CCDC9B: variants seen among roughly 807,000 people sequenced by gnomAD.
CCDC9B encodes coiled-coil domain containing 9B.
Under a neutral mutation model 47.2 loss-of-function variants are expected in CCDC9B, and 40 were observed. The observed-to-expected ratio is 0.85, with a 90% CI of 0.66 to 1.10. The LOEUF is 1.10. Ranked by LOEUF, CCDC9B falls within the 50% of genes least tolerant of loss-of-function variation. The probability of loss-of-function intolerance (pLI) is 0.00; values close to 1 mark genes in which losing one functional copy is unlikely to be tolerated. For synonymous variants in CCDC9B, 238 were observed against 250.7 expected (o/e 0.95, Z 0.48); for missense variants, 662 against 651.0 (o/e 1.02, Z -0.18).
chr15:40,337,284 T>C, intron 7 of CCDC9B, 104 bp downstream of exon 7: 1 of 1,122,082 alleles, frequency 8.9e-7, no homozygotes, highest in Non-Finnish European at 1.4e-6. Flanking sequence ...ACGCTTCCTT[T>C]CAGCTCTGAA....
Position 40,334,875 on chromosome 15 carries a change from C to G in CCDC9B, c.*283G>C, listed in dbSNP as rs1020386153. The G allele has an allele frequency of 3.2e-6, 1 of 308,820 alleles. No individual in the cohort carries two copies. Among genetic ancestry groups the G allele is most frequent in the Non-Finnish European group, 6.0e-6 (1 of 167,888 alleles). 19.1% of individuals were successfully genotyped at this position (308,820 alleles called of 1,614,324 possible). On this transcript the variant is annotated 3_prime_UTR_variant, in exon 11 of 11. Transcript: ENST00000397536. ...GGCTTGTGGCCTGGGCAGCAGTAGG[C>G]CCAGGTCAGGGTGCACCAGCCTCAG... is the stretch of plus-strand genomic sequence containing the variant.
rs2141245472 is a variant in CCDC9B, at chr15:40,334,930, G to A, written c.*228C>T. On this transcript the variant is annotated 3_prime_UTR_variant, in exon 11 of 11. Coordinates refer to ENST00000397536, the MANE Select transcript of CCDC9B (RefSeq NM_207380.3). ...CAGATACTAGTACAGGAATACACCAGGGGCTGTGCCCGTGCGTGAAAACAC... is the reference window on the plus strand; with the variant it reads ...CAGATACTAGTACAGGAATACACCAAGGGCTGTGCCCGTGCGTGAAAACAC... The A allele has an allele frequency of 2.4e-6, 1 of 411,074 alleles. No individual in the cohort carries two copies. The highest frequency in any genetic ancestry group is 4.3e-6 in the Non-Finnish European group (1 of 231,124). The allele number at this position is 411,074 out of a possible 1,614,324, so 25.5% of individuals were successfully genotyped here.
In CCDC9B at chr15:40,336,661, C is replaced by T. The variant is rs1200397860; in HGVS notation, c.800G>A (p.Arg267Gln). Residue 267 changes from arginine (R) to glutamine (Q), a missense_variant, in exon 9 of 11, where the codon CGG (arginine) becomes CAG (glutamine). By Grantham distance (43) the Arg-to-Gln change is conservative. Transcript: ENST00000397536. ...PPPLLPDGKG[R>Q]GGQASRPSVA... ...CGAGGGTCTGCTGGCTTGCCCGCCC[C>T]GACCTGCAAGAGATGGTCGGCCAAG... 10 of 1,611,850 alleles carry T rather than the reference C, an allele frequency of 6.2e-6. No homozygotes were observed. Among genetic ancestry groups the T allele is most frequent in the Middle Eastern group, 1.7e-4 (1 of 6,040 alleles).
rs781424201 is a variant in CCDC9B, at chr15:40,335,309, G to A, written c.1322C>T (p.Pro441Leu). The A allele has an allele frequency of 6.2e-7, 1 of 1,613,414 alleles. No individual in the cohort carries two copies. The change falls in exon 11 of 11, where the codon CCA becomes CTA. Residue 441 changes from proline (P) to leucine (L), a missense_variant. By Grantham distance (98) the Pro-to-Leu change is moderately conservative. Transcript: ENST00000397536. Reference sequence around the variant, plus strand: ...GCCAGACCTGTCTTCTCCGGGCTCTGGGAGCCCTGCTCCTCTCTGTGGCTC... The same window carrying A: ...GCCAGACCTGTCTTCTCCGGGCTCTAGGAGCCCTGCTCCTCTCTGTGGCTC... ...CPEPQRGAGL[P>L]EPGEDRSGKS...
In CCDC9B at chr15:40,339,967, C is replaced by A; in HGVS notation, c.61G>T (p.Glu21Ter). 6.2e-7 allele frequency: 1 copy of A among 1,613,906 alleles called. No homozygotes were observed. Among genetic ancestry groups the A allele is most frequent in the Non-Finnish European group, 8.5e-7 (1 of 1,179,968 alleles). Reference sequence around the variant, plus strand: ...AGGGCAACTATCCTCCGATCCAGCTCTGCGTCCTTCTCCTGCCTGCTCATG... The same window carrying A: ...AGGGCAACTATCCTCCGATCCAGCTATGCGTCCTTCTCCTGCCTGCTCATG... ...SPMSRQEKDA[E>*]LDRRIVALRK... Residue 21 changes from glutamate to a stop codon, truncating the protein, a stop_gained, in exon 2 of 11, where the codon GAG becomes TAG. Coordinates refer to ENST00000397536, the MANE Select transcript of CCDC9B (RefSeq NM_207380.3). LOFTEE classifies it high-confidence loss of function.
In CCDC9B at chr15:40,335,744, C is replaced by G. The variant is rs988455897; in HGVS notation, c.930+40G>C. 6.3e-6 allele frequency: 10 copies of G among 1,597,278 alleles called. No homozygotes were observed. The Middle Eastern group carries it at 4.9e-4, about 79-fold the overall frequency. ...CCCGGTGGCTGATGAATCCAGGGCT[C>G]GCGTCCCCAGCCTGCCCCATCCTAT... On this transcript the variant is annotated intron_variant, in intron 10 of 10. Coordinates refer to ENST00000397536, the MANE Select transcript of CCDC9B (RefSeq NM_207380.3).
chr15:40,339,610 C>T lies in CCDC9B; in HGVS notation c.133G>A (p.Glu45Lys), dbSNP rs1165332613. 1 of 1,613,300 alleles carries T rather than the reference C, an allele frequency of 6.2e-7. No individual in the cohort carries two copies. Among genetic ancestry groups the T allele is most frequent in the Non-Finnish European group, 8.5e-7 (1 of 1,179,862 alleles). The change falls in exon 3 of 11, where the codon GAG becomes AAG. Residue 45 changes from glutamate (E) to lysine (K), a missense_variant. Transcript: ENST00000397536. ...ALLRRYQEIQ[E>K]DRRQAEQGGM... ...CCCTGCTCTGCCTGCCGACGGTCCTCCTGGATCTCCTGTGGGAGGGCTGGG... is the reference window on the plus strand; with the variant it reads ...CCCTGCTCTGCCTGCCGACGGTCCTTCTGGATCTCCTGTGGGAGGGCTGGG...
In CCDC9B at chr15:40,331,498, G is replaced by T. The variant is rs1289014456; in HGVS notation, c.*3660C>A. 1 of 149,284 alleles carries T rather than the reference G, an allele frequency of 6.7e-6. No individual in the cohort carries two copies. Among genetic ancestry groups the T allele is most frequent in the Non-Finnish European group, 1.5e-5 (1 of 66,730 alleles). The allele number at this position is 149,284 out of a possible 1,614,324, so 9.2% of individuals were successfully genotyped here. A position where few individuals can be genotyped will look rare whatever the true frequency, so the allele number is the denominator to read the frequency against. ...TTTATTCAACAAGTATTTACTGAGT[G>T]CCTTCTGTGTGCCACGCTACTGTTA... On this transcript the variant is annotated 3_prime_UTR_variant, in exon 11 of 11. Transcript: ENST00000397536.
At position 40,337,774 on chromosome 15, in the gene CCDC9B, G is replaced by GTCTCTGTT; in HGVS notation, c.632_633insAACAGAGA (p.Asp211GlufsTer28). On this transcript the variant is annotated frameshift_variant, in exon 6 of 11. Coordinates refer to ENST00000397536, the MANE Select transcript of CCDC9B (RefSeq NM_207380.3). LOFTEE classifies it high-confidence loss of function. The stretch of plus-strand genomic sequence containing the variant: ...ACGGGCGGCGCCAGTCACCCTGTGC[G>GTCTCTGTT]TCTCTGTGCCGGGCGAGGCGGGCTA... 1 of 1,609,964 alleles carries GTCTCTGTT rather than the reference G, an allele frequency of 6.2e-7. No individual in the cohort carries two copies. The highest frequency in any genetic ancestry group is 8.5e-7 in the Non-Finnish European group (1 of 1,179,808).
chr15:40,337,041 T>C (rs909047929), intron 7 of CCDC9B: 45 of 598,824 alleles, frequency 7.5e-5, no homozygotes, highest in Middle Eastern at 4.4e-4. Context: ...TCTTTATATA[T>C]AAAACAAGGG....
At chr15:40,339,047 C>T in intron 3 of CCDC9B, 144 bp from the exon 4 acceptor site, 1 of 924,222 alleles carries the variant, frequency 1.1e-6, no homozygotes, top group Non-Finnish European at 1.7e-6. Flanking sequence ...ACAGGGTGTT[C>T]ACATGCCAAT....
chr15:40,340,930 G>A lies in CCDC9B; in HGVS notation c.-111C>T, dbSNP rs1256386658. 1.8e-5 allele frequency: 29 copies of A among 1,607,130 alleles called. No homozygotes were observed. The highest frequency in any genetic ancestry group is 6.8e-5 in the Admixed American group (4 of 59,190). On this transcript the variant is annotated 5_prime_UTR_variant, in exon 1 of 11. Coordinates refer to ENST00000397536, the MANE Select transcript of CCDC9B (RefSeq NM_207380.3). ...CTGCCGGCCTCTCCCTGCCGGCTTC[G>A]CTGCTCAGCACACGAGATCATGTTG...
rs773279089 is a variant in CCDC9B at position 40,339,899 on chromosome 15, A to T, written c.123+6T>A. 1 of 1,604,492 alleles carries T rather than the reference A, an allele frequency of 6.2e-7. No homozygotes were observed. The highest frequency in any genetic ancestry group is 1.1e-5 in the South Asian group (1 of 90,928). On this transcript the variant is annotated splice_donor_region_variant and intron_variant, in intron 2 of 10. Transcript: ENST00000397536. ...GTTTCTCCTGGCCCTGTGGCAGCCC[A>T]CTCACCTGGTACCTGCGGAGCAAGG...
chr15:40,336,953 G>A (rs753408884), intron 7 of CCDC9B, 140 bp from the exon 8 acceptor site: 5 of 748,612 alleles, frequency 6.7e-6, no homozygotes, highest in African/African-American at 1.8e-5. Context: ...CCTCGCCTGG[G>A]GGTCAGGAGA....
intron 4 of CCDC9B, 26 bp downstream of exon 4, chr15:40,338,722 C>G (rs371917658): frequency 6.2e-7 from 1 of 1,610,206 alleles, no homozygotes; most frequent in East Asian, 2.2e-5. Context: ...CCTGCCGATG[C>G]CTGCACTCCC....
In CCDC9B at chr15:40,334,408, C is replaced by T. The variant is rs1038793471; in HGVS notation, c.*750G>A. 6 of 152,296 alleles carry T rather than the reference C, an allele frequency of 3.9e-5. No homozygotes were observed. Among genetic ancestry groups the T allele is most frequent in the African/African-American group, 1.4e-4 (6 of 41,420 alleles). The allele number at this position is 152,296 out of a possible 1,614,324, so 9.4% of individuals were successfully genotyped here. A position where few individuals can be genotyped will look rare whatever the true frequency, so the allele number is the denominator to read the frequency against. The stretch of plus-strand genomic sequence containing the variant: ...ATGACCCTGGGCTGCAGGGCCAGGC[C>T]CTTGCCTACATTCAGGGTGCACGTG... On this transcript the variant is annotated 3_prime_UTR_variant, in exon 11 of 11. Coordinates refer to ENST00000397536, the MANE Select transcript of CCDC9B (RefSeq NM_207380.3).
intron 9 of CCDC9B, 114 bp from the exon 10 acceptor site, chr15:40,335,940 G>C (rs1298337034): frequency 3.9e-6 from 6 of 1,529,764 alleles, no homozygotes; most frequent in East Asian, 4.9e-5. Context: ...GGCTGAGCTG[G>C]GACCCCATGG....
In CCDC9B at chr15:40,335,370, T is replaced by C. The variant is rs563544070; in HGVS notation, c.1261A>G (p.Asn421Asp). 94 of 1,613,330 alleles carry C rather than the reference T, an allele frequency of 5.8e-5. No individual in the cohort carries two copies. The South Asian group carries it at 9.9e-4, about 17-fold the overall frequency. The change falls in exon 11 of 11, where the codon AAT becomes GAT. Residue 421 changes from asparagine to aspartate, a missense_variant. By Grantham distance (23) the Asn-to-Asp change is conservative. Transcript: ENST00000397536. ...GSKQQPLGWS[N>D]HQAELEVQTC... is the part of the protein sequence containing the mutation. ...TGTACTTCCAGCTCAGCCTGGTGAT[T>C]GCTCCACCCCAGGGGCTGCTGCTTA...
At chr15:40,340,175 C>T in intron 1 of CCDC9B, 160 bp from the exon 2 acceptor site, 2 of 608,258 alleles carry the variant, frequency 3.3e-6, no homozygotes, top group East Asian at 2.8e-5. Context: ...AATAAGGCCC[C>T]AAGCCCCCAT....
Sources: allele counts gnomAD v4.1 joint callset, GRCh38; gene constraint gnomAD v4.1.1; transcripts MANE v1.5; gene names NCBI Gene and HGNC (gene_info 2026-07-23, HGNC 2026-07-21).